VPS13D: variants seen among roughly 807,000 people sequenced by gnomAD.
VPS13D encodes the protein intermembrane lipid transfer protein VPS13D.
VPS13D carries 187 observed loss-of-function variants against 461.9 expected under a neutral mutation model. The observed-to-expected ratio is 0.40, with a 90% CI of 0.36 to 0.46. VPS13D has a LOEUF of 0.46. Among genes scored for constraint, VPS13D ranks in the 20% least tolerant of loss-of-function variants. The probability of loss-of-function intolerance (pLI) is 0.60; values close to 1 mark genes in which losing one functional copy is unlikely to be tolerated. For missense variants in VPS13D, 4,711 were observed against 5,364.9 expected, an observed-to-expected ratio of 0.88 and a Z score of 3.81; for synonymous variants, 1,951 against 1,986.3, an observed-to-expected ratio of 0.98 and a Z score of 0.47.
chr1:12,324,825 A>C lies in VPS13D; in HGVS notation c.7990+1045A>C, dbSNP rs1317018483. Among the ~76,000 whole-genome samples, 3 of 152,276 alleles carry C rather than the reference A, an allele frequency of 2.0e-5. No homozygotes were observed. The East Asian group carries it at 5.8e-4, about 29-fold the overall frequency. ...GCCTATCTTTGTGTTTTCTTTTTGCATCCTCTTCACAGCCCTTGGAGGCAG... is the reference window on the plus strand; with the variant it reads ...GCCTATCTTTGTGTTTTCTTTTTGCCTCCTCTTCACAGCCCTTGGAGGCAG... On this transcript the variant is annotated intron_variant, in intron 35 of 69. Coordinates refer to ENST00000620676, the MANE Select transcript of VPS13D (RefSeq NM_015378.4).
At chr1:12,281,910 C>T (rs1431595782) in intron 20 of VPS13D, among the ~76,000 whole-genome samples, 7 of 146,880 alleles carry the variant, frequency 4.8e-5, no homozygotes, top group Admixed American at 3.4e-4. Context: ...TTTTTTGAGA[C>T]AGGGTCTCAC....
In VPS13D at chr1:12,276,156, A is replaced by T. The variant is rs1416866470; in HGVS notation, c.2568A>T (p.Leu856=). The T allele has an allele frequency of 6.2e-7, 1 of 1,614,162 alleles. No individual in the cohort carries two copies. The highest frequency in any genetic ancestry group is 1.7e-5 in the Admixed American group (1 of 60,020). The part of the protein sequence containing the change: ...THVVEKFNVH[L]QLERRLIYTS... ...TGGTAGAGAAGTTCAACGTTCACCT[A>T]CAGTTAGAGCGTCGATTGATTTATA... The change falls in exon 19 of 70, where the codon CTA becomes CTT. Residue 856 remains leucine, a synonymous_variant. Transcript: ENST00000620676. The surrounding 1 kb of genome is among the most constrained non-coding windows in gnomAD (Gnocchi z 4.5).
rs1475912954 is a variant in VPS13D, at chr1:12,386,224, A to C, written c.11524A>C (p.Ile3842Leu). Residue 3842 changes from isoleucine to leucine, a missense_variant, in exon 60 of 70, where the codon ATT (isoleucine) becomes CTT (leucine). Ile to Leu is a conservative substitution (Grantham distance 5). Transcript: ENST00000620676. ...RLEGGIGLSL[I>L]NKVPEELVFA... ...AGAAGGTGGAATTGGGTTGTCCTTA[A>C]TTAATAAAGTCCCAGAAGAACTGGT... 1 of 1,613,466 alleles carries C rather than the reference A, an allele frequency of 6.2e-7. No individual in the cohort carries two copies. The highest frequency in any genetic ancestry group is 8.5e-7 in the Non-Finnish European group (1 of 1,179,822).
intron 65 of VPS13D, among the ~76,000 whole-genome samples, chr1:12,418,063 C>T (rs2100243398): frequency 6.6e-6 from 1 of 152,232 alleles, no homozygotes. Context: ...CCCGGCACCA[C>T]ACCCCATTGA....
intron 46 of VPS13D, 51 bp from the exon 47 acceptor site, chr1:12,353,923 T>A (rs895625420): frequency 6.4e-7 from 1 of 1,574,456 alleles, no homozygotes; most frequent in Non-Finnish European, 8.6e-7. Context: ...GGAGAAAAAA[T>A]TTAAGTTCTT....
intron 67 of VPS13D, 116 bp from the exon 68 acceptor site, chr1:12,497,384 T>C: frequency 7.7e-7 from 1 of 1,294,268 alleles, no homozygotes; most frequent in Non-Finnish European, 1.0e-6. Context: ...GTTAATTCTG[T>C]TCACTAAATG....
intron 60 of VPS13D, among the ~76,000 whole-genome samples, chr1:12,391,451 AACTT>A (rs1425045877): frequency 6.6e-6 from 1 of 152,114 alleles, no homozygotes; most frequent in Non-Finnish European, 1.5e-5. Context: ...TTCCTCATGT[AACTT>A]ACTTGTGCCT....
chr1:12,497,641 A>T lies in VPS13D; in HGVS notation c.12794+10A>T. On this transcript the variant is annotated intron_variant, in intron 68 of 69. Transcript: ENST00000620676. ...ACATACAGGACGAATTGTAAGTTAG[A>T]GCATGGGAAACCAGCCCTGTGGGTC... 6.2e-7 allele frequency: 1 copy of T among 1,609,698 alleles called. No individual in the cohort carries two copies. Among genetic ancestry groups the T allele is most frequent in the Non-Finnish European group, 8.5e-7 (1 of 1,178,382 alleles).
chr1:12,301,631 T>C lies in VPS13D; in HGVS notation c.6216+2247T>C, dbSNP rs572087959. Among the ~76,000 whole-genome samples the C allele has an allele frequency of 3.3e-5, 5 of 152,280 alleles. No homozygotes were observed. The East Asian group carries it at 5.8e-4, about 18-fold the overall frequency. Reference sequence around the variant, plus strand: ...GTTTAGGCTTTTAATGGAGTCCCCATTACATGGGCATAATTAATTAAATCA... The same window carrying C: ...GTTTAGGCTTTTAATGGAGTCCCCACTACATGGGCATAATTAATTAAATCA... On this transcript the variant is annotated intron_variant, in intron 25 of 69. Transcript: ENST00000620676.
intron 65 of VPS13D, among the ~76,000 whole-genome samples, chr1:12,426,461 G>A (rs1348530401): frequency 6.6e-6 from 1 of 152,148 alleles, no homozygotes; most frequent in Non-Finnish European, 1.5e-5. Context: ...TTAATTTTCA[G>A]GGCAGAGTAC....
Position 12,505,583 on chromosome 1 carries a change from G to T in VPS13D, c.12795-1270G>T, listed in dbSNP as rs924492522. 3.2e-4 allele frequency among the ~76,000 whole-genome samples: 49 copies of T among 152,214 alleles called. No individual in the cohort carries two copies. The highest frequency in any genetic ancestry group is 7.2e-4 in the Admixed American group (11 of 15,290). On this transcript the variant is annotated intron_variant, in intron 68 of 69. Coordinates refer to ENST00000620676, the MANE Select transcript of VPS13D (RefSeq NM_015378.4). The surrounding 1 kb of genome is among the most constrained non-coding windows in gnomAD (Gnocchi z 4.2). ...CTGTGGGGTGCTCAGGAAGACACGGGGCTGTGAGATATGGACTCCACTTAG... is the reference window on the plus strand; with the variant it reads ...CTGTGGGGTGCTCAGGAAGACACGGTGCTGTGAGATATGGACTCCACTTAG...
intron 65 of VPS13D, among the ~76,000 whole-genome samples, chr1:12,417,716 G>A (rs564057144): frequency 2.0e-5 from 3 of 152,184 alleles, no homozygotes; most frequent in Admixed American, 1.3e-4. Flanking sequence ...AGAGAGTCGA[G>A]TTGAATAGCA....
intron 11 of VPS13D, 75 bp downstream of exon 11, chr1:12,260,869 T>A: frequency 6.2e-7 from 1 of 1,610,536 alleles, no homozygotes; most frequent in South Asian, 1.1e-5. Flanking sequence ...GTGCTTGTGC[T>A]CCTGTGGGGA....
chr1:12,405,578 C>T (rs554072715), intron 63 of VPS13D, among the ~76,000 whole-genome samples: 1 of 152,144 alleles, frequency 6.6e-6, no homozygotes, highest in African/African-American at 2.4e-5. Flanking sequence ...AAGAGTGCAG[C>T]GTGCCCTTCA....
Position 12,460,312 on chromosome 1 carries a change from T to C in VPS13D, c.12578T>C (p.Val4193Ala). Residue 4193 changes from valine to alanine, a missense_variant, in exon 67 of 70, where the codon GTA becomes GCA. Coordinates refer to ENST00000620676, the MANE Select transcript of VPS13D (RefSeq NM_015378.4). ...SGLGKGLVGT[V>A]TKPVAGALDF... The stretch of plus-strand genomic sequence containing the variant: ...CTTGGAAAAGGGCTTGTTGGCACTG[T>C]AACCAAGCCAGTGGCAGGCGCCCTG... The C allele has an allele frequency of 6.2e-7, 1 of 1,612,734 alleles. No individual in the cohort carries two copies.
rs892037402 is a variant in VPS13D at position 12,409,941 on chromosome 1, T to C, written c.12031-5146T>C. On this transcript the variant is annotated intron_variant, in intron 63 of 69. Coordinates refer to ENST00000620676, the MANE Select transcript of VPS13D (RefSeq NM_015378.4). ...CTTTTATTCTTGAGACTTTTTCTGA[T>C]TTGTAAGCAGTGTGGGGAGAAAGGT... 1.3e-5 allele frequency: 6 copies of C among 455,864 alleles called. No individual in the cohort carries two copies. The East Asian group carries it at 3.5e-4, about 26-fold the overall frequency. The allele number at this position is 455,864 out of a possible 1,614,324, so 28.2% of individuals were successfully genotyped here.
chr1:12,294,247 TAAC>T (rs1327908830), intron 24 of VPS13D, among the ~76,000 whole-genome samples: 1 of 152,238 alleles, frequency 6.6e-6, no homozygotes, highest in African/African-American at 2.4e-5. Context: ...AATTCTTAAG[TAAC>T]CACAATGACT....
At chr1:12,429,683 A>G (rs1216845910) in intron 65 of VPS13D, among the ~76,000 whole-genome samples, 1 of 152,200 alleles carries the variant, frequency 6.6e-6, no homozygotes. Flanking sequence ...AGCAATACAG[A>G]CAGGAAAAGG....
intron 58 of VPS13D, among the ~76,000 whole-genome samples, chr1:12,383,425 G>A (rs1488584438): frequency 6.6e-6 from 1 of 152,110 alleles, no homozygotes; most frequent in Non-Finnish European, 1.5e-5. Context: ...TGTTAACAGT[G>A]CATATTAATA....
Sources: gnomAD v4.1 joint callset for allele counts (sites outside exome capture counted in the v4.1 genomes callset) on GRCh38, gnomAD v4.1.1 for gene constraint, Gnocchi (gnomAD v3.1) non-coding constraint, MANE v1.5 for transcripts, NCBI Gene and HGNC (gene_info 2026-07-23, HGNC 2026-07-21) for gene names.